Variants in FAT3 observed in about 807,000 individuals in gnomAD.
The protein encoded by FAT3 is protocadherin Fat 3.
FAT3 carries 95 observed loss-of-function variants against 310.2 expected under a neutral mutation model. That is an observed-to-expected ratio of 0.31 (90% confidence interval 0.26 to 0.36). The LOEUF is 0.36. Ranked by LOEUF, FAT3 falls within the 10% of genes least tolerant of loss-of-function variation. The probability of loss-of-function intolerance (pLI) is 1.00; values close to 1 mark genes in which losing one functional copy is unlikely to be tolerated. For synonymous variants in FAT3, 2,314 were observed against 2,192.9 expected, an observed-to-expected ratio of 1.06 and a Z score of -1.54; for missense variants, 5,408 against 5,715.6, an observed-to-expected ratio of 0.95 and a Z score of 1.74.
intron 19 of FAT3, among the ~76,000 whole-genome samples, chr11:92,847,986 G>T (rs148132469): frequency 3.3e-4 from 50 of 152,050 alleles, no homozygotes; most frequent in African/African-American, 1.2e-3. Flanking sequence ...ATTAGTATTG[G>T]CTGCTCTTCT....
At chr11:92,646,923 A>T (rs1031394396) in intron 3 of FAT3, among the ~76,000 whole-genome samples, 1 of 152,162 alleles carries the variant, frequency 6.6e-6, no homozygotes, top group Admixed American at 6.5e-5. Context: ...TTTCTGTGAA[A>T]TGCTAATTGC....
At chr11:92,487,420 C>A (rs781260387) in intron 2 of FAT3, among the ~76,000 whole-genome samples, 13 of 152,120 alleles carry the variant, frequency 8.5e-5, no homozygotes, top group Non-Finnish European at 1.8e-4. Context: ...TAACTGAGTG[C>A]CTTACATATT....
intron 1 of FAT3, among the ~76,000 whole-genome samples, chr11:92,346,380 C>G (rs912512741): frequency 6.6e-6 from 1 of 152,060 alleles, no homozygotes; most frequent in African/African-American, 2.4e-5. Flanking sequence ...AGTGCACACA[C>G]GGGAATTGGA....
chr11:92,572,260 A>C (rs187513981), intron 3 of FAT3, among the ~76,000 whole-genome samples: 198 of 152,318 alleles, frequency 1.3e-3, no homozygotes, highest in African/African-American at 4.5e-3. Flanking sequence ...CTATTTACTT[A>C]GGTTACAGTA....
intron 3 of FAT3, among the ~76,000 whole-genome samples, chr11:92,619,322 G>A (rs564401): frequency 0.56 from 85,330 of 151,952 alleles, 25,372 homozygotes; most frequent in African/African-American, 0.76. Flanking sequence ...ATTGATCTTT[G>A]GTTTTCCTTT....
intron 3 of FAT3, among the ~76,000 whole-genome samples, chr11:92,592,029 G>A (rs921702536): frequency 6.6e-6 from 1 of 152,110 alleles, no homozygotes; most frequent in South Asian, 2.1e-4. Flanking sequence ...ATGGACTTTA[G>A]TTAAAAATAA....
At chr11:92,526,108 G>A (rs1023122148) in intron 3 of FAT3, among the ~76,000 whole-genome samples, 6 of 152,152 alleles carry the variant, frequency 3.9e-5, no homozygotes, top group African/African-American at 1.4e-4. Flanking sequence ...GTTGAGGCCT[G>A]CTTGTACTTG....
intron 2 of FAT3, among the ~76,000 whole-genome samples, chr11:92,456,721 G>T (rs1951503348): frequency 6.6e-6 from 1 of 152,114 alleles, no homozygotes; most frequent in South Asian, 2.1e-4. Flanking sequence ...AGTAAATTAT[G>T]AGTATTTGTA....
At chr11:92,393,016 T>C (rs1949783612) in intron 2 of FAT3, among the ~76,000 whole-genome samples, 1 of 152,134 alleles carries the variant, frequency 6.6e-6, no homozygotes, top group Non-Finnish European at 1.5e-5. Context: ...GAGTGTCTGA[T>C]CCCATCTCTG....
intron 2 of FAT3, among the ~76,000 whole-genome samples, chr11:92,473,024 A>T (rs1218225200): frequency 6.6e-6 from 1 of 152,162 alleles, no homozygotes; most frequent in African/African-American, 2.4e-5. Flanking sequence ...AAACCTGCTT[A>T]TCCTTTAAGC....
chr11:92,560,731 T>C (rs1955195915), intron 3 of FAT3, among the ~76,000 whole-genome samples: 1 of 152,244 alleles, frequency 6.6e-6, no homozygotes, highest in South Asian at 2.1e-4. Flanking sequence ...TACCTCATTC[T>C]GCTCATCAGA....
chr11:92,267,394 G>C (rs1945996181), intron 1 of FAT3, among the ~76,000 whole-genome samples: 1 of 152,072 alleles, frequency 6.6e-6, no homozygotes, highest in South Asian at 2.1e-4. Context: ...AGCATAAGAA[G>C]AGAATGATGG....
chr11:92,837,085 A>G (rs1304100505), intron 16 of FAT3, among the ~76,000 whole-genome samples: 4 of 152,176 alleles, frequency 2.6e-5, no homozygotes, highest in Non-Finnish European at 4.4e-5. Flanking sequence ...TAGGTCAGAA[A>G]AAATAGTCCA....
intron 13 of FAT3, among the ~76,000 whole-genome samples, chr11:92,823,760 C>T (rs1286402696): frequency 6.6e-6 from 1 of 152,100 alleles, no homozygotes; most frequent in Non-Finnish European, 1.5e-5. Context: ...GTATTCTGCC[C>T]ATGGGAATGT....
chr11:92,525,370 ATGTTTTTGCGATTCCTG>A (rs1309934012), intron 3 of FAT3, among the ~76,000 whole-genome samples: 2 of 152,098 alleles, frequency 1.3e-5, no homozygotes, highest in Non-Finnish European at 2.9e-5. Flanking sequence ...CAAACTCCAG[ATGTTTTTGCGATTCCTG>A]TACTACCCAT....
intron 1 of FAT3, among the ~76,000 whole-genome samples, chr11:92,339,930 G>A (rs1948200613): frequency 6.6e-6 from 1 of 152,036 alleles, no homozygotes; most frequent in Middle Eastern, 3.2e-3. Context: ...GGCTAACACA[G>A]TGAAACCCCG....
At chr11:92,802,006 A>T in intron 10 of FAT3, 97 bp downstream of exon 10, 1 of 1,196,290 alleles carries the variant, frequency 8.4e-7, no homozygotes. Context: ...AGATGGGATA[A>T]GGAGTCCAGT....
chr11:92,752,232 A>G (rs1024747561), intron 4 of FAT3, among the ~76,000 whole-genome samples: 1 of 152,250 alleles, frequency 6.6e-6, no homozygotes, highest in Non-Finnish European at 1.5e-5. Context: ...AAAACAAGCA[A>G]ACAGATTTTG....
chr11:92,286,399 G>A (rs1284733071), intron 1 of FAT3, among the ~76,000 whole-genome samples: 2 of 152,124 alleles, frequency 1.3e-5, no homozygotes, highest in African/African-American at 2.4e-5. Context: ...CCTGGAAATA[G>A]CTTTGAGAAC....
Sources: gnomAD v4.1 joint callset for allele counts (sites outside exome capture counted in the v4.1 genomes callset) on GRCh38, gnomAD v4.1.1 for gene constraint, MANE v1.5 for transcripts, NCBI Gene and HGNC (gene_info 2026-07-23, HGNC 2026-07-21) for gene names.